The following MYO16 variants were observed in gnomAD, a reference collection of about 807,000 sequenced individuals.
The protein encoded by MYO16 is unconventional myosin-XVI.
Under a neutral mutation model 205.3 loss-of-function variants are expected in MYO16, and 94 were observed. The observed-to-expected ratio is 0.46, with a 90% CI of 0.39 to 0.54. The LOEUF (loss-of-function observed/expected upper bound fraction) is 0.54. Among genes scored for constraint, MYO16 ranks in the 20% least tolerant of loss-of-function variants. The pLI is 0.00. For missense variants in MYO16, 2,315 were observed against 2,387.5 expected (o/e 0.97, Z 0.63); for synonymous variants, 988 against 954.0 (o/e 1.04, Z -0.66).
chr13:109,020,125 C>T (rs1420545627), intron 23 of MYO16, among the ~76,000 whole-genome samples: 1 of 152,148 alleles, frequency 6.6e-6, no homozygotes, highest in Non-Finnish European at 1.5e-5. Flanking sequence ...TGGGCCTTCT[C>T]ATAATGTTTC....
chr13:108,579,222 C>A, the MYO16 span, among the ~76,000 whole-genome samples: 1 of 152,248 alleles, frequency 6.6e-6, no homozygotes, highest in South Asian at 2.1e-4. Flanking sequence ...GTGGAAGTAA[C>A]TTGTGTCTTT....
At chr13:108,619,016 T>C (rs995754318) in intron 1 of MYO16, among the ~76,000 whole-genome samples, 4 of 152,292 alleles carry the variant, frequency 2.6e-5, no homozygotes, top group African/African-American at 9.6e-5. Flanking sequence ...GCCTGATTTC[T>C]ATTATCATAA....
intron 27 of MYO16, among the ~76,000 whole-genome samples, chr13:109,082,712 G>A (rs1207445675): frequency 6.6e-6 from 1 of 152,070 alleles, no homozygotes; most frequent in East Asian, 1.9e-4. Flanking sequence ...GCCCTCGCCT[G>A]TAATCCCAGC....
Position 108,913,432 on chromosome 13 carries a change from C to T in MYO16, c.1925+3282C>T, listed in dbSNP as rs77833804. ...GTGGATCTTCTCACTTTTGCAATGTCGGTTGGGTTTGAGAAGTTCATATTT... is the reference window on the plus strand; with the variant it reads ...GTGGATCTTCTCACTTTTGCAATGTTGGTTGGGTTTGAGAAGTTCATATTT... On this transcript the variant is annotated intron_variant, in intron 16 of 34. Transcript: ENST00000457511. 6.6e-3 allele frequency among the ~76,000 whole-genome samples: 1,012 copies of T among 152,188 alleles called. 7 individuals carry two copies. The highest frequency in any genetic ancestry group is 0.01 in the Non-Finnish European group (702 of 68,008).
chr13:108,809,509 A>G (rs1216966400), intron 7 of MYO16, among the ~76,000 whole-genome samples: 2 of 152,160 alleles, frequency 1.3e-5, no homozygotes, highest in Non-Finnish European at 2.9e-5. Context: ...GTGAAGCGGG[A>G]ACAGGCACAT....
chr13:109,173,748 A>G (rs1879016017), intron 33 of MYO16, among the ~76,000 whole-genome samples: 1 of 151,382 alleles, frequency 6.6e-6, no homozygotes, highest in African/African-American at 2.4e-5. Context: ...GCAAAAAATT[A>G]GCCGGGCGTG....
chr13:108,640,470 G>A (rs887819101), intron 1 of MYO16, among the ~76,000 whole-genome samples: 19 of 152,170 alleles, frequency 1.2e-4, no homozygotes, highest in Admixed American at 2.0e-4. Flanking sequence ...AATACACACA[G>A]GGCAGTTGGT....
At chr13:108,817,157 C>T (rs1371708025) in intron 7 of MYO16, among the ~76,000 whole-genome samples, 1 of 151,998 alleles carries the variant, frequency 6.6e-6, no homozygotes, top group Non-Finnish European at 1.5e-5. Context: ...GTTAAGTATA[C>T]ACTTACCAGA....
intron 2 of MYO16, among the ~76,000 whole-genome samples, chr13:108,677,336 T>TGTGTATATATATATATATGC (rs1491309887): frequency 2.3e-5 from 2 of 86,654 alleles, no homozygotes; most frequent in South Asian, 2.9e-4. Flanking sequence ...TGTGTGTGTG[T>TGTGTATATATATATATATGC]ATATATATAT....
At position 108,957,732 on chromosome 13, in the gene MYO16, G is replaced by A. The variant is rs767788561; in HGVS notation, c.1970G>A (p.Arg657His). 109 of 1,613,358 alleles carry A rather than the reference G, an allele frequency of 6.8e-5. 1 individual carries two copies. The highest frequency in any genetic ancestry group is 3.8e-4 in the South Asian group (35 of 91,042). Reference protein sequence around the residue: ...TIQDDASTGERSLNREKLAVL... With the variant: ...TIQDDASTGEHSLNREKLAVL... ...CAGGATGATGCATCCACAGGGGAGC[G>A]TTCTCTGAACAGGGAGAAATTGGCT... The change falls in exon 17 of 35, where the codon CGT becomes CAT. Residue 657 changes from arginine to histidine, a missense_variant. Transcript: ENST00000457511.
intron 1 of MYO16, among the ~76,000 whole-genome samples, chr13:108,658,061 T>C (rs1881324180): frequency 6.6e-6 from 1 of 152,158 alleles, no homozygotes; most frequent in Admixed American, 6.6e-5. Flanking sequence ...TGGCCTCATT[T>C]TGGTATCGAG....
At chr13:108,812,049 T>C (rs1421438079) in intron 7 of MYO16, among the ~76,000 whole-genome samples, 1 of 152,234 alleles carries the variant, frequency 6.6e-6, no homozygotes, top group Admixed American at 6.5e-5. Context: ...GTTAAAGCTA[T>C]ACTGAATGTA....
At chr13:109,012,216 C>T (rs574325788) in intron 22 of MYO16, among the ~76,000 whole-genome samples, 111 of 152,174 alleles carry the variant, frequency 7.3e-4, no homozygotes, top group African/African-American at 2.6e-3. Context: ...TCGTCTAAAC[C>T]AGGGGTCCCC....
chr13:109,206,920 C>CCCCAGCGCA lies in MYO16; in HGVS notation c.*84_*85insCCCAGCGCA. ...ACAGAAGGCTGCCTTCTGACATGCG[C>CCCCAGCGCA]TGGGGCTTCTCTCCACGCATTTAGA... On this transcript the variant is annotated 3_prime_UTR_variant, in exon 35 of 35. Coordinates refer to ENST00000457511, the MANE Select transcript of MYO16 (RefSeq NM_001198950.3). 1 of 1,214,308 alleles carries CCCCAGCGCA rather than the reference C, an allele frequency of 8.2e-7. No individual in the cohort carries two copies. The highest frequency in any genetic ancestry group is 1.2e-6 in the Non-Finnish European group (1 of 855,484). 75.2% of individuals were successfully genotyped at this position (1,214,308 alleles called of 1,614,324 possible).
At chr13:108,589,641 C>T in the MYO16 span, among the ~76,000 whole-genome samples, 53,249 of 151,900 alleles carry the variant, frequency 0.35, 10,639 homozygotes, top group Non-Finnish European at 0.44. Flanking sequence ...TTTAGGGCTC[C>T]GGGTATGACC....
intron 27 of MYO16, among the ~76,000 whole-genome samples, chr13:109,061,736 A>G (rs1887601148): frequency 6.6e-6 from 1 of 152,210 alleles, no homozygotes; most frequent in Non-Finnish European, 1.5e-5. Context: ...GGCATTACCC[A>G]ATGCAAAGCA....
At chr13:108,856,433 T>C (rs940515419) in intron 11 of MYO16, among the ~76,000 whole-genome samples, 3 of 152,192 alleles carry the variant, frequency 2.0e-5, no homozygotes, top group Admixed American at 2.0e-4. Flanking sequence ...CCTATGAAAA[T>C]GCAATGTAGC....
chr13:109,051,778 TG>T (rs1887254953), intron 24 of MYO16, among the ~76,000 whole-genome samples: 2 of 152,348 alleles, frequency 1.3e-5, no homozygotes, highest in South Asian at 2.1e-4. Context: ...TGTTTTGTTT[TG>T]TTTTTTAAAT....
At chr13:108,801,584 T>C (rs1886970353) in intron 6 of MYO16, among the ~76,000 whole-genome samples, 1 of 152,224 alleles carries the variant, frequency 6.6e-6, no homozygotes, top group Non-Finnish European at 1.5e-5. Context: ...TATAATTGTA[T>C]ACTATGCTTT....
Sources: gnomAD v4.1 joint callset for allele counts (sites outside exome capture counted in the v4.1 genomes callset) on GRCh38, gnomAD v4.1.1 for gene constraint, MANE v1.5 for transcripts, NCBI Gene and HGNC (gene_info 2026-07-23, HGNC 2026-07-21) for gene names.